SDHAF4: variants seen among roughly 807,000 people sequenced by gnomAD.
SDHAF4 encodes the protein succinate dehydrogenase complex assembly factor 4.
In SDHAF4, 14 loss-of-function variants were observed where a neutral mutation model predicts 14.3. That is an observed-to-expected ratio of 0.98 (90% CI 0.65 to 1.53). The LOEUF is 1.53. Ranked by LOEUF, SDHAF4 falls within the 40% of genes most tolerant of loss-of-function variation. The pLI, the probability that SDHAF4 is intolerant of heterozygous loss-of-function variation, is 0.00. For missense variants in SDHAF4, 141 were observed against 129.3 expected (o/e 1.09, Z -0.44); for synonymous variants, 63 against 47.3 (o/e 1.33, Z -1.36).
At chr6:70,579,383 T>A in intron 1 of SDHAF4, 31 bp from the exon 2 acceptor site, 1 of 1,402,972 alleles carries the variant, frequency 7.1e-7, no homozygotes, top group Non-Finnish European at 9.4e-7. Flanking sequence ...AATGAACAGC[T>A]CCTATTTTTC....
chr6:70,584,983 A>C (rs528979421), intron 2 of SDHAF4, among the ~76,000 whole-genome samples: 1 of 152,306 alleles, frequency 6.6e-6, no homozygotes, highest in East Asian at 1.9e-4. Flanking sequence ...TGGATAAGTA[A>C]ATGGTATAGA....
intron 2 of SDHAF4, among the ~76,000 whole-genome samples, chr6:70,584,251 G>A (rs935089419): frequency 1.1e-4 from 17 of 152,264 alleles, no homozygotes; most frequent in African/African-American, 4.1e-4. Context: ...TGCTGACCTC[G>A]TGATCCGCTC....
chr6:70,579,512 G>A lies in SDHAF4; in HGVS notation c.163G>A (p.Glu55Lys). The A allele has an allele frequency of 6.2e-7, 1 of 1,611,516 alleles. No individual in the cohort carries two copies. Among genetic ancestry groups the A allele is most frequent in the Non-Finnish European group, 8.5e-7 (1 of 1,178,666 alleles). ...GTCCCTTAAGAAGCCGAAGTTACCA[G>A]AAGGTCGTTTTGATGCACCAGAGGA... is the stretch of plus-strand genomic sequence containing the variant. ...KQSLKKPKLP[E>K]GRFDAPEDSH... Residue 55 changes from glutamate to lysine, a missense_variant, in exon 2 of 3, where the codon GAA (glutamate) becomes AAA (lysine). Coordinates refer to ENST00000370474, the MANE Select transcript of SDHAF4 (RefSeq NM_145267.3).
intron 1 of SDHAF4, among the ~76,000 whole-genome samples, chr6:70,569,110 C>T (rs142255496): frequency 0.042 from 6,406 of 150,768 alleles, 296 homozygotes; most frequent in African/African-American, 0.1. Flanking sequence ...GGACTACAGG[C>T]GCGCGCCACC....
At chr6:70,588,585 A>G in intron 2 of SDHAF4, 30 bp from the exon 3 acceptor site, 1 of 1,204,170 alleles carries the variant, frequency 8.3e-7, no homozygotes, top group South Asian at 1.4e-5. Context: ...GCCTCCATTA[A>G]CTGCTTTATT....
downstream of SDHAF4, among the ~76,000 whole-genome samples, chr6:70,594,339 G>T (rs1388951733): frequency 1.3e-5 from 2 of 152,200 alleles, no homozygotes; most frequent in Non-Finnish European, 2.9e-5. Context: ...TATCCCCATT[G>T]TAACAGTATT....
chr6:70,597,676 C>G, the SDHAF4 span, among the ~76,000 whole-genome samples: 1 of 152,146 alleles, frequency 6.6e-6, no homozygotes, highest in Non-Finnish European at 1.5e-5. Context: ...GATGACTCTT[C>G]AGAGACCTGG....
downstream of SDHAF4, among the ~76,000 whole-genome samples, chr6:70,590,976 G>A (rs1390023594): frequency 6.6e-6 from 1 of 152,166 alleles, no homozygotes; most frequent in East Asian, 1.9e-4. Flanking sequence ...AAGATGAGAA[G>A]AGATGTCCTA....
intron 1 of SDHAF4, among the ~76,000 whole-genome samples, chr6:70,577,993 C>G (rs1802277451): frequency 1.3e-5 from 2 of 152,158 alleles, no homozygotes; most frequent in Non-Finnish European, 2.9e-5. Flanking sequence ...TAGGTTGATT[C>G]CATGTCTTTG....
chr6:70,592,686 A>G (rs1765268518), downstream of SDHAF4, among the ~76,000 whole-genome samples: 1 of 152,240 alleles, frequency 6.6e-6, no homozygotes, highest in Non-Finnish European at 1.5e-5. Context: ...GCTACTTTTA[A>G]CCACTTACAT....
chr6:70,596,917 A>G, the SDHAF4 span: 1 of 152,250 alleles, frequency 6.6e-6, no homozygotes, highest in African/African-American at 2.4e-5. Context: ...ATAGTATATT[A>G]GTAATTTGAT....
intron 2 of SDHAF4, among the ~76,000 whole-genome samples, chr6:70,584,983 A>T (rs528979421): frequency 1.3e-5 from 2 of 152,188 alleles, no homozygotes; most frequent in African/African-American, 4.8e-5. Context: ...TGGATAAGTA[A>T]ATGGTATAGA....
intron 1 of SDHAF4, among the ~76,000 whole-genome samples, chr6:70,571,979 A>ATATT (rs904010364): frequency 7.0e-6 from 1 of 143,528 alleles, no homozygotes; most frequent in Non-Finnish European, 1.5e-5. Flanking sequence ...TCTTTTTCTC[A>ATATT]TATTATCTAT....
intron 1 of SDHAF4, among the ~76,000 whole-genome samples, chr6:70,575,224 A>G (rs1392618842): frequency 6.6e-6 from 1 of 152,168 alleles, no homozygotes; most frequent in Non-Finnish European, 1.5e-5. Context: ...TTAAAAATAC[A>G]AAAATTAGCT....
chr6:70,572,400 A>G (rs1802195002), intron 1 of SDHAF4, among the ~76,000 whole-genome samples: 1 of 152,176 alleles, frequency 6.6e-6, no homozygotes, highest in Non-Finnish European at 1.5e-5. Context: ...AGTGTATTGT[A>G]TACTTGAAAA....
intron 2 of SDHAF4, among the ~76,000 whole-genome samples, chr6:70,581,386 G>A (rs933293410): frequency 2.0e-5 from 3 of 151,906 alleles, no homozygotes; most frequent in Admixed American, 2.0e-4. Context: ...GGCATTCAAC[G>A]TAAGTCTTGT....
downstream of SDHAF4, among the ~76,000 whole-genome samples, chr6:70,591,195 T>G (rs755378708): frequency 6.6e-6 from 1 of 152,130 alleles, no homozygotes; most frequent in Non-Finnish European, 1.5e-5. Context: ...CCTACTCAAG[T>G]TGACACATAA....
chr6:70,593,409 A>C (rs1231146780), downstream of SDHAF4, among the ~76,000 whole-genome samples: 1 of 152,252 alleles, frequency 6.6e-6, no homozygotes, highest in Non-Finnish European at 1.5e-5. Context: ...ATGTGGGACC[A>C]GAGCTGCTGC....
chr6:70,588,547 G>T, intron 2 of SDHAF4, 68 bp from the exon 3 acceptor site: 1 of 688,540 alleles, frequency 1.5e-6, no homozygotes. Context: ...TAAATTAATT[G>T]AATTAAATTG....
Sources: allele counts gnomAD v4.1 joint callset (sites outside exome capture counted in the v4.1 genomes callset), GRCh38; gene constraint gnomAD v4.1.1; transcripts MANE v1.5; gene names NCBI Gene and HGNC (gene_info 2026-07-23, HGNC 2026-07-21).